The following SLC14A2 variants were observed in gnomAD, a reference collection of about 807,000 sequenced individuals.
The protein encoded by SLC14A2 is urea transporter 2.
In SLC14A2, 91 loss-of-function variants were observed where a neutral mutation model predicts 104.6. That is an observed-to-expected ratio of 0.87 (90% CI 0.73 to 1.04). The LOEUF (loss-of-function observed/expected upper bound fraction) is 1.04. SLC14A2 is among the 50% of genes least tolerant of loss of function. SLC14A2 has a pLI of 0.00. For missense variants in SLC14A2, 1,189 were observed against 1,156.0 expected (o/e 1.03, Z -0.41); for synonymous variants, 476 against 466.4 (o/e 1.02, Z -0.27).
At chr18:45,227,939 A>G (rs2084136213) in intron 1 of SLC14A2, among the ~76,000 whole-genome samples, 1 of 152,224 alleles carries the variant, frequency 6.6e-6, no homozygotes, top group Admixed American at 6.5e-5. Context: ...ATTGCAGGAA[A>G]AAAAGGTTCT....
At chr18:45,291,846 G>A (rs1199453229) in intron 1 of SLC14A2, among the ~76,000 whole-genome samples, 1 of 152,074 alleles carries the variant, frequency 6.6e-6, no homozygotes, top group Admixed American at 6.5e-5. Flanking sequence ...GGTGGGGAAC[G>A]CTTTGGAGAA....
At chr18:45,643,711 T>G (rs1038369097) in intron 9 of SLC14A2, among the ~76,000 whole-genome samples, 2 of 152,116 alleles carry the variant, frequency 1.3e-5, no homozygotes, top group African/African-American at 4.8e-5. Context: ...CTTTTGTATT[T>G]TTTTGGGTCT....
the SLC14A2 span, among the ~76,000 whole-genome samples, chr18:45,171,328 G>GA: frequency 8.7e-5 from 13 of 149,670 alleles, no homozygotes; most frequent in East Asian, 2.0e-4. Flanking sequence ...AAAACCTTTA[G>GA]AAAAAAAAAT....
intron 1 of SLC14A2, among the ~76,000 whole-genome samples, chr18:45,435,594 T>C (rs1193826454): frequency 2.6e-5 from 4 of 152,168 alleles, no homozygotes; most frequent in South Asian, 2.1e-4. Flanking sequence ...CTAAGAATAA[T>C]AGCACTGATG....
chr18:45,408,894 G>A (rs1352779194), intron 1 of SLC14A2, among the ~76,000 whole-genome samples: 1 of 152,076 alleles, frequency 6.6e-6, no homozygotes, highest in Non-Finnish European at 1.5e-5. Flanking sequence ...TACCTCTCTG[G>A]GCCTTGAATT....
intron 2 of SLC14A2, among the ~76,000 whole-genome samples, chr18:45,542,039 T>G (rs1028496347): frequency 7.8e-4 from 34 of 43,748 alleles, no homozygotes; most frequent in Middle Eastern, 0.022. Context: ...GAGAGGGTTT[T>G]TTTTTTTTTT....
upstream of SLC14A2, chr18:45,212,889 A>G (rs2083973419): frequency 1.3e-5 from 2 of 152,316 alleles, no homozygotes; most frequent in Non-Finnish European, 2.9e-5. Context: ...AACAGTACCC[A>G]CGTATGCCAT....
chr18:45,517,498 G>A (rs1568254497), intron 2 of SLC14A2, among the ~76,000 whole-genome samples: 1 of 152,170 alleles, frequency 6.6e-6, no homozygotes, highest in South Asian at 2.1e-4. Flanking sequence ...TGGCCAAAAG[G>A]CTTCTCAGCA....
intron 1 of SLC14A2, among the ~76,000 whole-genome samples, chr18:45,355,840 A>G (rs568621345): frequency 2.0e-5 from 3 of 152,270 alleles, no homozygotes; most frequent in Non-Finnish European, 4.4e-5. Flanking sequence ...CGGACAGTCA[A>G]GGCAGGCTTA....
At chr18:45,507,946 T>C (rs2043309496) in intron 2 of SLC14A2, among the ~76,000 whole-genome samples, 1 of 152,278 alleles carries the variant, frequency 6.6e-6, no homozygotes, top group Admixed American at 6.5e-5. Context: ...CATCTGGCAA[T>C]GGGGCAAATA....
intron 1 of SLC14A2, among the ~76,000 whole-genome samples, chr18:45,244,774 G>T (rs1478708800): frequency 6.6e-6 from 1 of 152,182 alleles, no homozygotes; most frequent in Non-Finnish European, 1.5e-5. Context: ...GTACAGGGAA[G>T]TTATGGTAGA....
At chr18:45,346,796 G>A (rs2085452489) in intron 1 of SLC14A2, among the ~76,000 whole-genome samples, 1 of 151,512 alleles carries the variant, frequency 6.6e-6, no homozygotes, top group African/African-American at 2.4e-5. Context: ...ACCCCATCTT[G>A]ACTAAAAACA....
Position 45,421,274 on chromosome 18 carries a change from A to C in SLC14A2, c.-124-61959A>C, listed in dbSNP as rs141274174. Among the ~76,000 whole-genome samples the C allele has an allele frequency of 9.9e-3, 1,489 of 150,748 alleles. 16 individuals are homozygous for C. The highest frequency in any genetic ancestry group is 0.024 in the African/African-American group (990 of 41,082). On this transcript the variant is annotated intron_variant, in intron 1 of 20. Transcript: ENST00000586448. ...ATCGATCCTTTTTTTTTTTTTAATC[A>C]ATTTCCCATTTACTGGCTCTTTCCA...
intron 5 of SLC14A2, among the ~76,000 whole-genome samples, chr18:45,633,111 C>A (rs138395256): frequency 7.9e-5 from 12 of 152,290 alleles, no homozygotes; most frequent in Middle Eastern, 3.4e-3. Flanking sequence ...CTAAGCAGGG[C>A]TTATGCAGTG....
At chr18:45,307,910 C>T (rs576746696) in intron 1 of SLC14A2, among the ~76,000 whole-genome samples, 2 of 152,288 alleles carry the variant, frequency 1.3e-5, no homozygotes, top group East Asian at 3.9e-4. Flanking sequence ...GTGCAAGAAA[C>T]ATGGTGCCGA....
At chr18:45,624,600 T>C (rs898875069) in intron 1 of SLC14A2, 31 bp from the exon 2 acceptor site, 47 of 1,533,064 alleles carry the variant, frequency 3.1e-5, no homozygotes, top group Non-Finnish European at 4.2e-5. Context: ...CCGTCCTGAC[T>C]CACTAGCTCT....
chr18:45,322,866 A>C (rs1054303790), intron 1 of SLC14A2, among the ~76,000 whole-genome samples: 2 of 152,196 alleles, frequency 1.3e-5, no homozygotes, highest in African/African-American at 4.8e-5. Context: ...GAAGAAACTG[A>C]GAAGTCATCC....
In SLC14A2 at chr18:45,418,302, A is replaced by G. The variant is rs556528104; in HGVS notation, c.-124-64931A>G. Reference sequence around the variant, plus strand: ...CCTGGATAGTTACTGCACTCTTAATAAGAAACAAATGTCTTGTGAGTGGCA... The same window carrying G: ...CCTGGATAGTTACTGCACTCTTAATGAGAAACAAATGTCTTGTGAGTGGCA... On this transcript the variant is annotated intron_variant, in intron 1 of 20. Coordinates refer to the SLC14A2 transcript ENST00000586448. 1.6e-3 allele frequency among the ~76,000 whole-genome samples: 248 copies of G among 152,278 alleles called. 2 individuals carry two copies. Among genetic ancestry groups the G allele is most frequent in the Non-Finnish European group, 3.1e-3 (214 of 68,038 alleles).
intron 1 of SLC14A2, among the ~76,000 whole-genome samples, chr18:45,232,316 A>C (rs1321781236): frequency 6.6e-6 from 1 of 152,160 alleles, no homozygotes; most frequent in Non-Finnish European, 1.5e-5. Flanking sequence ...AGTGCCACAC[A>C]CTTTCAGCCA....
Sources: allele counts gnomAD v4.1 joint callset (sites outside exome capture counted in the v4.1 genomes callset), GRCh38; gene constraint gnomAD v4.1.1; transcripts MANE v1.5; gene names NCBI Gene and HGNC (gene_info 2026-07-23, HGNC 2026-07-21).